DMD: variants seen among roughly 807,000 people sequenced by gnomAD.
DMD encodes the protein mutant dystrophin.
Under a neutral mutation model 330.1 loss-of-function variants are expected in DMD, and 63 were observed. That is an observed-to-expected ratio of 0.19 (90% CI 0.16 to 0.24). The LOEUF (loss-of-function observed/expected upper bound fraction) is 0.24. Among genes scored for constraint, DMD ranks in the 10% least tolerant of loss-of-function variants. The pLI is 1.00. For synonymous variants in DMD, 1,223 were observed against 959.8 expected, an observed-to-expected ratio of 1.27 and a Z score of -5.07; for missense variants, 3,344 against 2,684.1, an observed-to-expected ratio of 1.25 and a Z score of -5.43.
At chrX:32,070,174 G>A (rs1335549379) in intron 44 of DMD, among the ~76,000 whole-genome samples, 2 of 110,845 alleles carry the variant, frequency 1.8e-5, no homozygotes, top group African/African-American at 6.6e-5. Context: ...CCAATCGGAT[G>A]GCTAGGAAGC....
intron 52 of DMD, among the ~76,000 whole-genome samples, chrX:31,681,873 A>G (rs1443972414): frequency 8.9e-6 from 1 of 112,477 alleles, no homozygotes; most frequent in East Asian, 2.8e-4. Flanking sequence ...AAGCGGGTGG[A>G]TCATGAGGTC....
intron 52 of DMD, among the ~76,000 whole-genome samples, chrX:31,721,708 CTCTCTCTCTCTATATA>C (rs1413664454): frequency 9.4e-4 from 46 of 49,186 alleles, no homozygotes; most frequent in Non-Finnish European, 1.1e-3. Context: ...CTCTCTCTCT[CTCTCTCTCTCTATATA>C]TATATATATA....
chrX:32,884,690 C>G (rs1308502459), intron 2 of DMD, among the ~76,000 whole-genome samples: 2 of 111,463 alleles, frequency 1.8e-5, no homozygotes, highest in Admixed American at 1.9e-4. Flanking sequence ...TACACTGGAA[C>G]TCATTTCATA....
intron 31 of DMD, 40 bp from the exon 32 acceptor site, chrX:32,389,714 C>T: frequency 8.7e-7 from 1 of 1,145,205 alleles, no homozygotes; most frequent in Non-Finnish European, 1.2e-6. Context: ...TTAATTTTGC[C>T]TTTCAAACAA....
intron 1 of DMD, among the ~76,000 whole-genome samples, chrX:33,166,591 G>A (rs2049063518): frequency 9.0e-6 from 1 of 110,753 alleles, no homozygotes; most frequent in Admixed American, 9.7e-5. Flanking sequence ...TTCAGGTATT[G>A]TGGGGTATGT....
intron 17 of DMD, among the ~76,000 whole-genome samples, chrX:32,543,232 C>A (rs972764930): frequency 9.4e-6 from 1 of 106,346 alleles, no homozygotes; most frequent in African/African-American, 3.7e-5. Context: ...TAGGCACATA[C>A]AAAAATTGCC....
At chrX:33,269,458 A>G (rs1028370931) in intron 1 of DMD, among the ~76,000 whole-genome samples, 8 of 110,895 alleles carry the variant, frequency 7.2e-5, no homozygotes, top group Non-Finnish European at 1.1e-4. Context: ...ACCGGCGGGG[A>G]AGGAGTTAAA....
chrX:32,701,236 A>G (rs2064102933), intron 7 of DMD, among the ~76,000 whole-genome samples: 1 of 111,959 alleles, frequency 8.9e-6, no homozygotes, highest in South Asian at 3.7e-4. Flanking sequence ...AGACTGTTAC[A>G]TCATCTCCCG....
In DMD at chrX:32,365,053, G is replaced by A. The variant is rs1196524132; in HGVS notation, c.4992C>T (p.Thr1664=). ...GATTTAACCACTCTTCTGCTCGGGA[G>A]GTGACAGCTATCCAGTTACTATTCA... The part of the protein sequence containing the change: ...SLLNSNWIAV[T]SRAEEWLNLL... Residue 1664 remains threonine (T), a synonymous_variant, in exon 35 of 79, where the codon ACC becomes ACT. Transcript: ENST00000357033. The A allele has an allele frequency of 2.5e-6, 3 of 1,210,756 alleles. No homozygotes were observed. The highest frequency in any genetic ancestry group is 3.0e-5 in the East Asian group (1 of 33,766).
chrX:31,202,248 C>G (rs1320356732), intron 67 of DMD, among the ~76,000 whole-genome samples: 2 of 111,735 alleles, frequency 1.8e-5, no homozygotes, highest in Non-Finnish European at 3.8e-5. Flanking sequence ...GCGTTTATGG[C>G]AAGTTGTTTT....
At chrX:31,816,663 G>C (rs1243821099) in intron 50 of DMD, among the ~76,000 whole-genome samples, 1 of 108,595 alleles carries the variant, frequency 9.2e-6, no homozygotes, top group Non-Finnish European at 1.9e-5. Flanking sequence ...GCTGGGCATG[G>C]TGGTGCGCAC....
At chrX:32,929,774 T>C (rs192733243) in intron 2 of DMD, among the ~76,000 whole-genome samples, 25 of 110,887 alleles carry the variant, frequency 2.3e-4, no homozygotes, top group African/African-American at 7.5e-4. Context: ...CATGTGTTCT[T>C]GTTGTTCAAC....
intron 44 of DMD, among the ~76,000 whole-genome samples, chrX:32,062,630 C>A (rs1055222001): frequency 9.0e-6 from 1 of 110,605 alleles, no homozygotes; most frequent in Non-Finnish European, 1.9e-5. Flanking sequence ...TTTTGTATAT[C>A]GGGAATACGT....
intron 1 of DMD, among the ~76,000 whole-genome samples, chrX:33,134,658 CTCTT>C (rs952115345): frequency 2.0e-4 from 22 of 112,322 alleles, no homozygotes; most frequent in Non-Finnish European, 3.2e-4. Flanking sequence ...GCTCGACTGA[CTCTT>C]TCTACAACAT....
At chrX:32,333,740 T>C (rs763821997) in intron 41 of DMD, among the ~76,000 whole-genome samples, 2 of 110,933 alleles carry the variant, frequency 1.8e-5, no homozygotes. Flanking sequence ...AGGGAAGCCC[T>C]TGAAAATTCA....
chrX:31,230,411 G>C (rs147117428), intron 63 of DMD, among the ~76,000 whole-genome samples: 1,404 of 111,375 alleles, frequency 0.013, 22 homozygotes, highest in African/African-American at 0.044. Flanking sequence ...CACTTATGGA[G>C]GTCGAGGCGG....
At chrX:32,700,377 G>T (rs2064004155) in intron 7 of DMD, among the ~76,000 whole-genome samples, 1 of 111,352 alleles carries the variant, frequency 9.0e-6, no homozygotes, top group African/African-American at 3.3e-5. Context: ...ATTCATAGAA[G>T]TAGAGAGTAG....
chrX:31,675,595 T>A (rs1042570510), intron 53 of DMD, among the ~76,000 whole-genome samples: 13 of 111,283 alleles, frequency 1.2e-4, no homozygotes, highest in African/African-American at 4.2e-4. Context: ...ACTCCTGATC[T>A]CGTGATCTGC....
intron 16 of DMD, among the ~76,000 whole-genome samples, chrX:32,564,081 G>A (rs962393623): frequency 2.7e-5 from 3 of 111,308 alleles, no homozygotes; most frequent in Non-Finnish European, 5.7e-5. Flanking sequence ...TGTATCAAAG[G>A]CTTAGTAAAG....
Sources: gnomAD v4.1 joint callset for allele counts (sites outside exome capture counted in the v4.1 genomes callset) on GRCh38, gnomAD v4.1.1 for gene constraint, MANE v1.5 for transcripts, NCBI Gene and HGNC (gene_info 2026-07-23, HGNC 2026-07-21) for gene names.